Variants in ZBTB20 observed in about 807,000 individuals in gnomAD.
ZBTB20 encodes zinc finger and BTB domain-containing protein 20.
In ZBTB20, 9 loss-of-function variants were observed where a neutral mutation model predicts 56.9. That is an observed-to-expected ratio of 0.16 (90% CI 0.10 to 0.28). The LOEUF (loss-of-function observed/expected upper bound fraction) is 0.28, where lower values mean the gene tolerates loss of function less well. Ranked by LOEUF, ZBTB20 falls within the 10% of genes least tolerant of loss-of-function variation. The pLI is 1.00. For missense variants in ZBTB20, 655 were observed against 1,003.0 expected (o/e 0.65, Z 4.69); for synonymous variants, 417 against 420.7 (o/e 0.99, Z 0.11).
chr3:115,142,425 G>C (rs1482760155), intron 1 of ZBTB20, among the ~76,000 whole-genome samples: 1 of 152,068 alleles, frequency 6.6e-6, no homozygotes, highest in African/African-American at 2.4e-5. Flanking sequence ...CTCTTTGGGA[G>C]GCCAAGGCAG....
chr3:114,348,633 T>C (rs1027316964), intron 11 of ZBTB20, among the ~76,000 whole-genome samples: 16 of 152,254 alleles, frequency 1.1e-4, no homozygotes, highest in African/African-American at 3.4e-4. Context: ...ATTTACATAA[T>C]GTCCTGACTT....
chr3:114,373,268 C>T (rs2083247352), intron 10 of ZBTB20, among the ~76,000 whole-genome samples: 1 of 152,098 alleles, frequency 6.6e-6, no homozygotes, highest in African/African-American at 2.4e-5. Flanking sequence ...GGTTCTTTTG[C>T]CTATTAGAAA....
intron 4 of ZBTB20, among the ~76,000 whole-genome samples, chr3:114,843,003 A>G (rs6790931): frequency 0.6 from 91,927 of 151,950 alleles, 32,080 homozygotes; most frequent in East Asian, 0.96. Flanking sequence ...AGGTCTCATA[A>G]GATTTGATGC....
At chr3:114,895,233 T>C (rs1044911997) in intron 4 of ZBTB20, among the ~76,000 whole-genome samples, 5 of 152,138 alleles carry the variant, frequency 3.3e-5, no homozygotes, top group Non-Finnish European at 5.9e-5. Flanking sequence ...ACACAGCGAT[T>C]TATGCACTGA....
intron 5 of ZBTB20, among the ~76,000 whole-genome samples, chr3:114,758,136 A>C (rs988469597): frequency 6.6e-6 from 1 of 152,156 alleles, no homozygotes; most frequent in African/African-American, 2.4e-5. Context: ...TTCATCTGCA[A>C]TGGATATATA....
intron 7 of ZBTB20, among the ~76,000 whole-genome samples, chr3:114,390,139 G>C (rs1292574035): frequency 3.9e-5 from 6 of 152,050 alleles, no homozygotes; most frequent in East Asian, 1.9e-4. Flanking sequence ...AGCTTTTATA[G>C]ATTCCCCATA....
chr3:114,687,392 A>C (rs2062407754), intron 6 of ZBTB20: 1 of 152,006 alleles, frequency 6.6e-6, no homozygotes, highest in Non-Finnish European at 1.5e-5. Flanking sequence ...AGCAGGAGAG[A>C]ATGGTAAAAT....
intron 1 of ZBTB20, among the ~76,000 whole-genome samples, chr3:115,089,015 T>C (rs1254424761): frequency 6.6e-6 from 1 of 151,862 alleles, no homozygotes. Context: ...AATTCCAAAC[T>C]TTACAAGATT....
chr3:114,497,356 C>T (rs1046674105), intron 7 of ZBTB20, among the ~76,000 whole-genome samples: 2 of 152,170 alleles, frequency 1.3e-5, no homozygotes, highest in Admixed American at 6.5e-5. Flanking sequence ...CAAGGTCCTC[C>T]GTATGGCAGG....
In ZBTB20 at chr3:114,749,507, C is replaced by A. The variant is rs746776085; in HGVS notation, c.-343+51594G>T. 2.0e-5 allele frequency among the ~76,000 whole-genome samples: 3 copies of A among 151,080 alleles called. No homozygotes were observed. In the South Asian group the frequency reaches 6.3e-4, roughly 32 times the overall value. ...GGCGGAGCTTGCAGTGAGCCGAGAT[C>A]GCACCATTGCACTCCAACCCAGGCA... On this transcript the variant is annotated intron_variant, in intron 5 of 11. Transcript: ENST00000675478.
intron 10 of ZBTB20, among the ~76,000 whole-genome samples, chr3:114,365,702 T>C (rs2082328050): frequency 6.6e-6 from 1 of 152,218 alleles, no homozygotes; most frequent in Non-Finnish European, 1.5e-5. Flanking sequence ...CAAGGTTTGC[T>C]AGAGCTTTTG....
chr3:115,135,005 C>A (rs1400662317), intron 1 of ZBTB20, among the ~76,000 whole-genome samples: 4 of 152,196 alleles, frequency 2.6e-5, no homozygotes, highest in African/African-American at 9.7e-5. Context: ...TAGCAGCTAG[C>A]GACACTTCGG....
At chr3:114,406,783 T>C (rs145878800) in intron 7 of ZBTB20, among the ~76,000 whole-genome samples, 68 of 152,120 alleles carry the variant, frequency 4.5e-4, no homozygotes, top group Non-Finnish European at 8.4e-4. Flanking sequence ...AAAAAGGATA[T>C]AAAAAAGCAA....
intron 7 of ZBTB20, among the ~76,000 whole-genome samples, chr3:114,488,662 C>T (rs1217199229): frequency 6.6e-6 from 1 of 152,110 alleles, no homozygotes; most frequent in African/African-American, 2.4e-5. Context: ...TGCTAGAGGA[C>T]AGTTTAGTAA....
intron 5 of ZBTB20, among the ~76,000 whole-genome samples, chr3:114,711,067 T>C (rs975817110): frequency 6.6e-6 from 1 of 152,222 alleles, no homozygotes; most frequent in African/African-American, 2.4e-5. Flanking sequence ...TGCTCAAATA[T>C]CTTCCACTCG....
intron 3 of ZBTB20, among the ~76,000 whole-genome samples, chr3:114,966,678 C>T (rs950860027): frequency 2.6e-5 from 4 of 151,892 alleles, no homozygotes; most frequent in Non-Finnish European, 5.9e-5. Context: ...ATAGGAAGTA[C>T]AAAACATACA....
chr3:114,852,721 T>TAA (rs1295723946), intron 4 of ZBTB20, among the ~76,000 whole-genome samples: 2 of 152,256 alleles, frequency 1.3e-5, no homozygotes, highest in African/African-American at 4.8e-5. Context: ...TAGCTTTGCT[T>TAA]AGCTGATAGC....
chr3:114,669,417 C>A (rs765581478), intron 6 of ZBTB20, among the ~76,000 whole-genome samples: 1 of 151,894 alleles, frequency 6.6e-6, no homozygotes, highest in Non-Finnish European at 1.5e-5. Context: ...AATCTGGATA[C>A]CATACTAAGG....
intron 10 of ZBTB20, among the ~76,000 whole-genome samples, chr3:114,377,290 T>C (rs961358830): frequency 1.3e-5 from 2 of 152,144 alleles, no homozygotes; most frequent in Non-Finnish European, 2.9e-5. Flanking sequence ...TAAAAGGAAA[T>C]TGTGTTAGTA....
Sources: allele counts gnomAD v4.1 joint callset (sites outside exome capture counted in the v4.1 genomes callset), GRCh38; gene constraint gnomAD v4.1.1; transcripts MANE v1.5; gene names NCBI Gene and HGNC (gene_info 2026-07-23, HGNC 2026-07-21).